ANKS1B: variants seen among roughly 807,000 people sequenced by gnomAD.
ANKS1B encodes the protein ankyrin repeat and sterile alpha motif domain-containing protein 1B.
Under a neutral mutation model 148.3 loss-of-function variants are expected in ANKS1B, and 36 were observed. The ratio of observed to expected loss-of-function variants is 0.24; its 90% CI spans 0.19 to 0.32. The LOEUF is 0.32. Among genes scored for constraint, ANKS1B ranks in the 10% least tolerant of loss-of-function variants. The pLI is 1.00. For missense variants in ANKS1B, 1,157 were observed against 1,542.6 expected (o/e 0.75, Z 4.19); for synonymous variants, 542 against 560.8 (o/e 0.97, Z 0.47).
chr12:99,049,278 C>A (rs2099964394), intron 17 of ANKS1B, among the ~76,000 whole-genome samples: 1 of 151,832 alleles, frequency 6.6e-6, no homozygotes, highest in Admixed American at 6.6e-5. Context: ...CATAAGTTAC[C>A]ATTTACCTTT....
chr12:99,843,900 C>T (rs1451076606), intron 1 of ANKS1B, among the ~76,000 whole-genome samples: 1 of 152,120 alleles, frequency 6.6e-6, no homozygotes, highest in Non-Finnish European at 1.5e-5. Context: ...TTTTTCTCCA[C>T]AACCTCGCAT....
chr12:99,556,414 G>C (rs2097277007), intron 9 of ANKS1B, among the ~76,000 whole-genome samples: 1 of 151,510 alleles, frequency 6.6e-6, no homozygotes, highest in South Asian at 2.1e-4. Context: ...TTTTGGGGGG[G>C]AGCATGGCTT....
At chr12:99,316,452 G>T (rs1173051651) in intron 12 of ANKS1B, among the ~76,000 whole-genome samples, 1 of 152,116 alleles carries the variant, frequency 6.6e-6, no homozygotes. Context: ...TGTGTCTGTT[G>T]GGGGCATAAA....
chr12:99,029,459 A>G (rs1216304593), intron 17 of ANKS1B, among the ~76,000 whole-genome samples: 2 of 152,224 alleles, frequency 1.3e-5, no homozygotes, highest in East Asian at 3.8e-4. Flanking sequence ...ACCTGAGGTT[A>G]CCTGTATGAA....
At chr12:99,354,301 T>C (rs1209647231) in intron 12 of ANKS1B, among the ~76,000 whole-genome samples, 1 of 152,052 alleles carries the variant, frequency 6.6e-6, no homozygotes, top group East Asian at 1.9e-4. Context: ...CCACATACTC[T>C]GTAGAGTAAA....
chr12:99,079,177 A>G (rs1006014540), intron 16 of ANKS1B, among the ~76,000 whole-genome samples: 2 of 152,330 alleles, frequency 1.3e-5, no homozygotes, highest in East Asian at 3.9e-4. Flanking sequence ...CCCAATCAAC[A>G]TTGTACCTGG....
chr12:99,653,377 G>C (rs1286967293), intron 9 of ANKS1B, among the ~76,000 whole-genome samples: 1 of 152,114 alleles, frequency 6.6e-6, no homozygotes, highest in Non-Finnish European at 1.5e-5. Context: ...TTTTACAAAT[G>C]CAGTTTTATG....
At chr12:98,878,697 C>T (rs1054214805) in intron 17 of ANKS1B, among the ~76,000 whole-genome samples, 5 of 152,084 alleles carry the variant, frequency 3.3e-5, no homozygotes, top group South Asian at 2.1e-4. Flanking sequence ...GTATTTAATG[C>T]GATCACTTTG....
chr12:98,999,001 T>C (rs2099931321), intron 17 of ANKS1B, among the ~76,000 whole-genome samples: 1 of 152,220 alleles, frequency 6.6e-6, no homozygotes, highest in Admixed American at 6.5e-5. Flanking sequence ...TTGTGGGTCA[T>C]AATAGAAATA....
intron 1 of ANKS1B, among the ~76,000 whole-genome samples, chr12:99,844,803 T>C (rs1015000077): frequency 1.1e-4 from 16 of 152,192 alleles, no homozygotes; most frequent in African/African-American, 3.4e-4. Context: ...AGGAATGGCA[T>C]TGAATCTATA....
intron 14 of ANKS1B, among the ~76,000 whole-genome samples, chr12:99,186,153 G>T (rs375744239): frequency 6.6e-6 from 1 of 152,182 alleles, no homozygotes; most frequent in African/African-American, 2.4e-5. Flanking sequence ...GCCTACTGCA[G>T]ATTGGTAAAG....
At chr12:98,919,218 G>A (rs1057179999) in intron 17 of ANKS1B, among the ~76,000 whole-genome samples, 5 of 151,976 alleles carry the variant, frequency 3.3e-5, no homozygotes, top group African/African-American at 1.2e-4. Flanking sequence ...ATTTATTTTG[G>A]TGTATTTGAA....
intron 24 of ANKS1B, among the ~76,000 whole-genome samples, chr12:98,774,129 C>T (rs1400278760): frequency 1.3e-5 from 2 of 152,204 alleles, no homozygotes; most frequent in East Asian, 1.9e-4. Context: ...ATATTAACAA[C>T]ACTTTCCTAA....
chr12:99,302,078 C>A (rs758772239), intron 12 of ANKS1B, among the ~76,000 whole-genome samples: 23 of 152,166 alleles, frequency 1.5e-4, no homozygotes, highest in Middle Eastern at 6.8e-3. Context: ...TGGCCTGTCT[C>A]TCTATTAAGA....
chr12:99,082,644 T>C (rs2050204044), intron 16 of ANKS1B, among the ~76,000 whole-genome samples: 1 of 152,144 alleles, frequency 6.6e-6, no homozygotes, highest in East Asian at 1.9e-4. Flanking sequence ...ACTTGATTCA[T>C]GTAGTCTAAC....
intron 25 of ANKS1B, among the ~76,000 whole-genome samples, chr12:98,763,174 G>GT (rs1172559741): frequency 1.3e-5 from 2 of 152,170 alleles, no homozygotes; most frequent in Admixed American, 6.6e-5. Flanking sequence ...GCTTGTACTT[G>GT]TTTTTTTAAG....
intron 14 of ANKS1B, chr12:99,155,059 T>G: frequency 1.3e-6 from 2 of 1,534,894 alleles, no homozygotes; most frequent in Non-Finnish European, 1.7e-6. Flanking sequence ...TGCTTAAATC[T>G]GAATTGAATC....
At chr12:98,996,710 G>A (rs1022059885) in intron 17 of ANKS1B, among the ~76,000 whole-genome samples, 1 of 151,070 alleles carries the variant, frequency 6.6e-6, no homozygotes, top group Admixed American at 6.6e-5. Context: ...CTACTTGGGA[G>A]GCTGAGGCAG....
chr12:99,378,617 G>A (rs1422807085), intron 12 of ANKS1B, among the ~76,000 whole-genome samples: 1 of 138,838 alleles, frequency 7.2e-6, no homozygotes, highest in Non-Finnish European at 1.5e-5. Context: ...ATCACGCACT[G>A]CACTCCAGCC....
Sources: gnomAD v4.1 joint callset for allele counts (sites outside exome capture counted in the v4.1 genomes callset) on GRCh38, gnomAD v4.1.1 for gene constraint, MANE v1.5 for transcripts, NCBI Gene and HGNC (gene_info 2026-07-23, HGNC 2026-07-21) for gene names.